NRXN1: variants seen among roughly 807,000 people sequenced by gnomAD.
The protein encoded by NRXN1 is neurexin 1, also known as neurexin-1.
NRXN1 carries 39 observed loss-of-function variants against 150.9 expected under a neutral mutation model. The ratio of observed to expected loss-of-function variants is 0.26; its 90% confidence interval spans 0.20 to 0.34. The LOEUF (loss-of-function observed/expected upper bound fraction) is 0.34, where lower values mean the gene tolerates loss of function less well. Ranked by LOEUF, NRXN1 falls within the 10% of genes least tolerant of loss-of-function variation. The probability of loss-of-function intolerance (pLI) is 1.00; values close to 1 mark genes in which losing one functional copy is unlikely to be tolerated. For missense variants in NRXN1, 1,815 were observed against 1,949.9 expected, an observed-to-expected ratio of 0.93 and a Z score of 1.30; for synonymous variants, 924 against 757.0, an observed-to-expected ratio of 1.22 and a Z score of -3.62.
chr2:50,272,408 T>C (rs2069812796), intron 17 of NRXN1, among the ~76,000 whole-genome samples: 1 of 152,106 alleles, frequency 6.6e-6, no homozygotes, highest in South Asian at 2.1e-4. Flanking sequence ...TAGCATTCAA[T>C]AAAACTTGAT....
chr2:50,272,546 G>A (rs1010425487), intron 17 of NRXN1, among the ~76,000 whole-genome samples: 1 of 152,032 alleles, frequency 6.6e-6, no homozygotes, highest in African/African-American at 2.4e-5. Context: ...GAAGTCAAAA[G>A]AAAACACAGA....
chr2:50,050,541 T>C (rs1692554155), intron 21 of NRXN1, among the ~76,000 whole-genome samples: 2 of 152,004 alleles, frequency 1.3e-5, no homozygotes, highest in Admixed American at 6.6e-5. Context: ...GTAAGACAGT[T>C]GATAAAAGCA....
At chr2:50,574,452 C>A (rs1671100442) in intron 8 of NRXN1, among the ~76,000 whole-genome samples, 1 of 152,098 alleles carries the variant, frequency 6.6e-6, no homozygotes. Flanking sequence ...TTCAGCATAT[C>A]TCTAATAAAA....
chr2:50,644,869 A>T (rs1336223814), intron 5 of NRXN1, among the ~76,000 whole-genome samples: 1 of 136,590 alleles, frequency 7.3e-6, no homozygotes, highest in Non-Finnish European at 1.7e-5. Flanking sequence ...ATATATAAAT[A>T]AAAAATGTAT....
intron 21 of NRXN1, among the ~76,000 whole-genome samples, chr2:49,983,713 G>T (rs1190190078): frequency 6.6e-6 from 1 of 152,128 alleles, no homozygotes; most frequent in Non-Finnish European, 1.5e-5. Flanking sequence ...ACCACCTGTG[G>T]AGAACACAGC....
chr2:50,636,569 T>C lies in NRXN1; in HGVS notation c.833-12954A>G, dbSNP rs965698321. 2.6e-5 allele frequency among the ~76,000 whole-genome samples: 4 copies of C among 152,194 alleles called. No individual in the cohort carries two copies. The South Asian group carries it at 8.3e-4, about 32-fold the overall frequency. On this transcript the variant is annotated intron_variant, in intron 5 of 22. Coordinates refer to ENST00000401669, the MANE Select transcript of NRXN1 (RefSeq NM_001330078.2). ...CTCCTGCTGTCAAAATCAGGCAACA[T>C]GCTAGAGTTAAAATGTCTTTAAAGA...
At chr2:50,674,744 GGTGT>G (rs1244088070) in intron 5 of NRXN1, among the ~76,000 whole-genome samples, 1 of 151,958 alleles carries the variant, frequency 6.6e-6, no homozygotes, top group East Asian at 1.9e-4. Flanking sequence ...GGTGAATAAT[GGTGT>G]AGTCAACACA....
At chr2:50,336,096 A>G (rs1289687390) in intron 17 of NRXN1, among the ~76,000 whole-genome samples, 2 of 152,236 alleles carry the variant, frequency 1.3e-5, no homozygotes, top group African/African-American at 4.8e-5. Flanking sequence ...GATAGTTAGT[A>G]GACGCAATGA....
At chr2:50,274,628 G>A (rs1271618270) in intron 17 of NRXN1, among the ~76,000 whole-genome samples, 6 of 152,100 alleles carry the variant, frequency 3.9e-5, no homozygotes, top group Non-Finnish European at 8.8e-5. Context: ...ACTAAAATCT[G>A]TAAAAATAGA....
intron 18 of NRXN1, among the ~76,000 whole-genome samples, chr2:50,143,642 T>C (rs912306730): frequency 9.2e-5 from 14 of 151,910 alleles, no homozygotes; most frequent in Admixed American, 8.5e-4. Flanking sequence ...CTTTTGAAAA[T>C]ACTTTAATTG....
chr2:50,686,810 G>T (rs1221097636), intron 5 of NRXN1, among the ~76,000 whole-genome samples: 2 of 152,162 alleles, frequency 1.3e-5, no homozygotes, highest in African/African-American at 4.8e-5. Flanking sequence ...CACGGTGATG[G>T]GTTGATTAGG....
chr2:50,383,447 CA>C (rs1004743423), intron 17 of NRXN1, among the ~76,000 whole-genome samples: 3 of 150,668 alleles, frequency 2.0e-5, no homozygotes, highest in East Asian at 1.9e-4. Flanking sequence ...AGATTTAAAA[CA>C]AAAAAAAATT....
chr2:50,830,010 A>G, intron 5 of NRXN1, among the ~76,000 whole-genome samples: 1 of 144,600 alleles, frequency 6.9e-6, no homozygotes, highest in South Asian at 2.2e-4. Context: ...AAAAAAAAAA[A>G]AAAAAAAAAA....
chr2:50,868,488 G>T (rs1287384042), intron 5 of NRXN1, among the ~76,000 whole-genome samples: 1 of 151,334 alleles, frequency 6.6e-6, no homozygotes, highest in African/African-American at 2.4e-5. Context: ...TATACTAAAA[G>T]CCCAGACTCC....
intron 2 of NRXN1, among the ~76,000 whole-genome samples, chr2:50,952,330 A>T (rs1691524370): frequency 6.6e-6 from 1 of 152,178 alleles, no homozygotes; most frequent in Non-Finnish European, 1.5e-5. Flanking sequence ...TCACACATAC[A>T]AATACAAGAC....
intron 17 of NRXN1, among the ~76,000 whole-genome samples, chr2:50,438,200 A>G (rs2085618634): frequency 6.6e-6 from 1 of 152,148 alleles, no homozygotes; most frequent in African/African-American, 2.4e-5. Flanking sequence ...CAGTAGGATC[A>G]AAAACTCTTC....
chr2:50,551,744 T>C (rs913153237), intron 9 of NRXN1, among the ~76,000 whole-genome samples: 1 of 152,112 alleles, frequency 6.6e-6, no homozygotes, highest in African/African-American at 2.4e-5. Context: ...CAGATTTCTC[T>C]CTCCTTATCT....
At chr2:50,467,345 A>C (rs1383665170) in intron 16 of NRXN1, among the ~76,000 whole-genome samples, 1 of 151,710 alleles carries the variant, frequency 6.6e-6, no homozygotes. Context: ...TATAAACTAA[A>C]TATATTTTCT....
At position 50,755,948 on chromosome 2, in the gene NRXN1, G is replaced by A. The variant is rs116636925; in HGVS notation, c.833-132333C>T. ...TCGGGATAATGTGGAAATCAAGGTC[G>A]CTTTTGATGGAAGAGAGGTGACAAA... On this transcript the variant is annotated intron_variant, in intron 5 of 22. Transcript: ENST00000401669. 7.7e-3 allele frequency among the ~76,000 whole-genome samples: 1,177 copies of A among 151,888 alleles called. 12 individuals carry two copies. Among genetic ancestry groups the A allele is most frequent in the South Asian group, 0.019 (94 of 4,826 alleles).
Sources: allele counts gnomAD v4.1 joint callset (sites outside exome capture counted in the v4.1 genomes callset), GRCh38; gene constraint gnomAD v4.1.1; transcripts MANE v1.5; gene names NCBI Gene and HGNC (gene_info 2026-07-23, HGNC 2026-07-21).